Variants in RUNX1T1 observed in about 807,000 individuals in gnomAD.
RUNX1T1 encodes protein CBFA2T1.
A neutral mutation model predicts 62.8 loss-of-function variants in RUNX1T1; 4 were observed. The ratio of observed to expected loss-of-function variants is 0.06; its 90% CI spans 0.03 to 0.15. The LOEUF (loss-of-function observed/expected upper bound fraction) is 0.15, where lower values mean the gene tolerates loss of function less well. Ranked by LOEUF, RUNX1T1 falls within the 10% of genes least tolerant of loss-of-function variation. The pLI is 1.00. For missense variants in RUNX1T1, 508 were observed against 754.3 expected (o/e 0.67, Z 3.82); for synonymous variants, 291 against 286.0 (o/e 1.02, Z -0.18).
upstream of RUNX1T1, chr8:92,063,046 A>C (rs776606214): frequency 2.1e-4 from 160 of 766,406 alleles, no homozygotes; most frequent in South Asian, 2.3e-3. Flanking sequence ...CACCCCTCAC[A>C]ATAAAAGGCT....
intron 1 of RUNX1T1, among the ~76,000 whole-genome samples, chr8:92,076,987 GAAGA>G (rs1034953106): frequency 6.6e-6 from 1 of 152,042 alleles, no homozygotes; most frequent in African/African-American, 2.4e-5. Context: ...AAATGCAAGG[GAAGA>G]AAGATTTCTA....
rs903413858 is a variant in RUNX1T1, at chr8:92,095,388, G to A, written c.-86+4192C>T. 37 of 1,535,384 alleles carry A rather than the reference G, an allele frequency of 2.4e-5. No homozygotes were observed. In the African/African-American group the frequency reaches 2.5e-4, roughly 10 times the overall value. ...GCGGGAGAGCGGCCGCGGCCGAGGC[G>A]GCACCCAGACCGCGGCTTTGTATTC... On this transcript the variant is annotated intron_variant, in intron 1 of 11. Coordinates refer to the RUNX1T1 transcript ENST00000265814.
At chr8:92,090,995 C>G (rs146565711) in intron 1 of RUNX1T1, among the ~76,000 whole-genome samples, 1 of 152,306 alleles carries the variant, frequency 6.6e-6, no homozygotes, top group Non-Finnish European at 1.5e-5. Flanking sequence ...TCTCCCAAGA[C>G]CAACAACTAA....
chr8:92,095,145 T>C, intron 1 of RUNX1T1: 1 of 1,535,554 alleles, frequency 6.5e-7, no homozygotes, highest in Non-Finnish European at 8.7e-7. Flanking sequence ...ACTCTGCTAA[T>C]CTTTAAATGT....
intron 8 of RUNX1T1, chr8:91,979,741 G>A: frequency 2.1e-6 from 1 of 471,314 alleles, no homozygotes; most frequent in South Asian, 1.8e-5. Context: ...AGCAATCTAT[G>A]ATGTATGAAA....
At chr8:92,026,118 G>A (rs1825096320) in intron 1 of RUNX1T1, among the ~76,000 whole-genome samples, 1 of 152,144 alleles carries the variant, frequency 6.6e-6, no homozygotes, top group South Asian at 2.1e-4. Flanking sequence ...TTTTGTCTGT[G>A]GATGGTGGTA....
At chr8:92,051,766 T>G (rs771115553) in intron 1 of RUNX1T1, among the ~76,000 whole-genome samples, 2 of 151,896 alleles carry the variant, frequency 1.3e-5, no homozygotes, top group Non-Finnish European at 2.9e-5. Context: ...GGATGTTTCC[T>G]CCCCCTGAAT....
At chr8:92,099,879 T>A (rs541183828), upstream of RUNX1T1, among the ~76,000 whole-genome samples, 4 of 152,298 alleles carry the variant, frequency 2.6e-5, no homozygotes, top group Admixed American at 2.6e-4. Context: ...TTGGCTACGG[T>A]TCGATTTGAC....
intron 2 of RUNX1T1, 143 bp downstream of exon 3, chr8:92,017,083 C>T (rs1241002953): frequency 6.2e-6 from 4 of 642,906 alleles, no homozygotes; most frequent in South Asian, 4.0e-5. Flanking sequence ...TACCTACTTA[C>T]TGGCAAACAA....
At chr8:92,027,807 G>A (rs990673235) in intron 1 of RUNX1T1, among the ~76,000 whole-genome samples, 2 of 151,778 alleles carry the variant, frequency 1.3e-5, no homozygotes, top group African/African-American at 4.9e-5. Context: ...TATGGCAATC[G>A]ATTACTATTT....
chr8:92,055,864 G>T (rs1018344526), intron 1 of RUNX1T1, among the ~76,000 whole-genome samples: 1 of 152,100 alleles, frequency 6.6e-6, no homozygotes, highest in Non-Finnish European at 1.5e-5. Flanking sequence ...AAAGCAAAAA[G>T]AAAGAAAATA....
downstream of RUNX1T1, chr8:91,955,640 G>A (rs1809247773): frequency 1.3e-5 from 3 of 225,640 alleles, no homozygotes; most frequent in Admixed American, 1.7e-4. Context: ...CATGTAACCA[G>A]CATTCACCTT....
downstream of RUNX1T1, chr8:91,956,026 C>T (rs937076873): frequency 4.3e-5 from 10 of 230,478 alleles, no homozygotes; most frequent in African/African-American, 2.2e-4. Flanking sequence ...AGAGCAGTTC[C>T]ATGTCATGTC....
At chr8:91,985,339 A>G (rs1254275552) in intron 8 of RUNX1T1, among the ~76,000 whole-genome samples, 1 of 152,244 alleles carries the variant, frequency 6.6e-6, no homozygotes, top group East Asian at 1.9e-4. Flanking sequence ...TTCAGGTTGA[A>G]GATTTCTTTC....
At chr8:91,998,483 A>T (rs1258061048) in intron 5 of RUNX1T1, among the ~76,000 whole-genome samples, 1 of 152,180 alleles carries the variant, frequency 6.6e-6, no homozygotes, top group Non-Finnish European at 1.5e-5. Context: ...CAGTGTGCTA[A>T]TACCTTTAGA....
downstream of RUNX1T1, chr8:91,955,756 A>G (rs778998864): frequency 4.4e-6 from 1 of 225,408 alleles, no homozygotes; most frequent in Non-Finnish European, 8.8e-6. Flanking sequence ...GGAAACAGGA[A>G]TTTCTGCTAC....
intron 8 of RUNX1T1, chr8:91,977,238 A>G (rs1814165957): frequency 5.1e-6 from 1 of 195,694 alleles, no homozygotes; most frequent in Admixed American, 6.1e-5. Context: ...GGTGAGGAAT[A>G]TATGGAAACT....
downstream of RUNX1T1, chr8:91,956,729 T>C (rs1229868992): frequency 4.5e-6 from 1 of 223,196 alleles, no homozygotes; most frequent in Non-Finnish European, 9.0e-6. Flanking sequence ...TTGTGGTACA[T>C]GTCTGAATTA....
At chr8:92,068,526 G>T (rs1316522709) in intron 2 of RUNX1T1, among the ~76,000 whole-genome samples, 2 of 151,976 alleles carry the variant, frequency 1.3e-5, no homozygotes, top group Non-Finnish European at 2.9e-5. Flanking sequence ...GAGCTCTGTG[G>T]GGCTATTCAT....
Sources: gnomAD v4.1 joint callset for allele counts (sites outside exome capture counted in the v4.1 genomes callset) on GRCh38, gnomAD v4.1.1 for gene constraint, MANE v1.5 for transcripts, NCBI Gene and HGNC (gene_info 2026-07-23, HGNC 2026-07-21) for gene names.